The following ESR1 variants were observed in gnomAD, a reference collection of about 807,000 sequenced individuals.
The protein encoded by ESR1 is estrogen receptor.
Under a neutral mutation model 52.7 loss-of-function variants are expected in ESR1, and 12 were observed. The ratio of observed to expected loss-of-function variants is 0.23; its 90% CI spans 0.15 to 0.37. ESR1 has a LOEUF of 0.37. Ranked by LOEUF, ESR1 falls within the 10% of genes least tolerant of loss-of-function variation. The probability of loss-of-function intolerance (pLI) is 1.00; values close to 1 mark genes in which losing one functional copy is unlikely to be tolerated. For synonymous variants in ESR1, 305 were observed against 316.8 expected (o/e 0.96, Z 0.39); for missense variants, 584 against 779.7 (o/e 0.75, Z 2.99).
At chr6:152,000,297 G>A (rs1230568905) in intron 4 of ESR1, among the ~76,000 whole-genome samples, 1 of 151,960 alleles carries the variant, frequency 6.6e-6, no homozygotes, top group African/African-American at 2.4e-5. Flanking sequence ...TTGAATAATT[G>A]ACCCCAAATC....
upstream of ESR1, chr6:151,807,551 G>C (rs1306873219): frequency 5.0e-6 from 2 of 399,420 alleles, no homozygotes; most frequent in Non-Finnish European, 9.5e-6. Flanking sequence ...GCTCCAAATC[G>C]AGTTGTGCCT....
chr6:151,864,575 A>G (rs1272002842), intron 2 of ESR1, among the ~76,000 whole-genome samples: 1 of 152,214 alleles, frequency 6.6e-6, no homozygotes, highest in Non-Finnish European at 1.5e-5. Context: ...TGACCCAGCC[A>G]TCCCATTACT....
chr6:151,687,306 C>T (rs1204991534), upstream of ESR1, among the ~76,000 whole-genome samples: 7 of 152,042 alleles, frequency 4.6e-5, no homozygotes, highest in South Asian at 4.1e-4. Context: ...TTCCTTAGAA[C>T]GATAGTGAGT....
rs189162988 is a variant in ESR1 at position 151,699,345 on chromosome 6, C to A, written c.-201-2530C>A. On this transcript the variant is annotated intron_variant, in intron 1 of 2. Transcript: ENST00000404742. ...CTAGAATCTACTATTACTGGGTATA[C>A]TAGACAAGTTTGTAGATTTACAAAA... Among the ~76,000 whole-genome samples the A allele has an allele frequency of 2.6e-5, 4 of 152,266 alleles. No individual in the cohort carries two copies. In the East Asian group the frequency reaches 7.7e-4, roughly 29 times the overall value.
chr6:152,042,049 G>A (rs1004780096), intron 5 of ESR1, among the ~76,000 whole-genome samples: 4 of 152,296 alleles, frequency 2.6e-5, no homozygotes, highest in Admixed American at 1.3e-4. Context: ...GGGATGTGGT[G>A]GGAATCGCCA....
intron 3 of ESR1, among the ~76,000 whole-genome samples, chr6:151,898,384 A>ATTTTTTTTTTTTT (rs371510396): frequency 1.7e-4 from 17 of 101,170 alleles, no homozygotes; most frequent in Non-Finnish European, 2.8e-4. Context: ...GGTTTTGTTC[A>ATTTTTTTTTTTTT]TTTTTTTTTT....
intron 4 of ESR1, among the ~76,000 whole-genome samples, chr6:151,985,277 G>A (rs1373802539): frequency 5.3e-5 from 8 of 151,634 alleles, no homozygotes; most frequent in Non-Finnish European, 1.0e-4. Flanking sequence ...AGGCTGAGAC[G>A]GGCGGATCAC....
chr6:151,788,930 T>A (rs1787268288), intron 2 of ESR1, among the ~76,000 whole-genome samples: 1 of 151,990 alleles, frequency 6.6e-6, no homozygotes, highest in South Asian at 2.1e-4. Flanking sequence ...TAGAGAGGAA[T>A]AACAGACACT....
rs144425916 is a variant in ESR1, at chr6:151,869,203, A to T, written c.644-11452A>T. Among the ~76,000 whole-genome samples the T allele has an allele frequency of 3.5e-4, 54 of 152,294 alleles. No individual in the cohort carries two copies. The East Asian group carries it at 9.7e-3, about 27-fold the overall frequency. ...TTGGAAATTGTTTCTACTACTTTGG[A>T]CACCATAGTTTAGATTTCAAATGAG... On this transcript the variant is annotated intron_variant, in intron 2 of 7. Coordinates refer to ENST00000206249, the MANE Select transcript of ESR1 (RefSeq NM_000125.4).
chr6:151,815,488 GCAGGAAGCATCAGGGA>G (rs1779472147), intron 1 of ESR1, among the ~76,000 whole-genome samples: 1 of 152,184 alleles, frequency 6.6e-6, no homozygotes, highest in Non-Finnish European at 1.5e-5. Flanking sequence ...ATGGTGGTGG[GCAGGAAGCATCAGGGA>G]CATGGTTTGC....
intron 6 of ESR1, among the ~76,000 whole-genome samples, chr6:152,118,746 G>A (rs1329513123): frequency 3.3e-5 from 5 of 152,020 alleles, no homozygotes; most frequent in South Asian, 2.1e-4. Context: ...AAACCTGCAC[G>A]TTCAGTACAT....
At chr6:151,802,397 A>G (rs2128143835), upstream of ESR1, among the ~76,000 whole-genome samples, 1 of 152,344 alleles carries the variant, frequency 6.6e-6, no homozygotes, top group East Asian at 1.9e-4. Flanking sequence ...TTCATGTCTC[A>G]GAGTGAAGGA....
intron 3 of ESR1, among the ~76,000 whole-genome samples, chr6:151,937,845 G>A (rs564809851): frequency 2.0e-4 from 30 of 152,270 alleles, no homozygotes; most frequent in East Asian, 1.9e-4. Context: ...TGTGCTGCCC[G>A]TGGTATGACC....
chr6:151,675,798 T>C (rs1341058653), intron 1 of ESR1, among the ~76,000 whole-genome samples: 1 of 152,222 alleles, frequency 6.6e-6, no homozygotes, highest in Non-Finnish European at 1.5e-5. Context: ...AGCCAGGCTA[T>C]GGTGAAACAA....
intron 2 of ESR1, among the ~76,000 whole-genome samples, chr6:151,785,279 GA>G (rs769041747): frequency 8.5e-5 from 13 of 152,172 alleles, no homozygotes; most frequent in Non-Finnish European, 1.6e-4. Flanking sequence ...TGCTTTGACA[GA>G]ATGGTCAAGA....
At chr6:151,888,317 T>C (rs1159676231) in intron 3 of ESR1, among the ~76,000 whole-genome samples, 1 of 152,250 alleles carries the variant, frequency 6.6e-6, no homozygotes, top group Non-Finnish European at 1.5e-5. Context: ...TCTTTCCATT[T>C]ATTTGTGTCT....
intron 2 of ESR1, among the ~76,000 whole-genome samples, chr6:151,775,288 A>C (rs764491932): frequency 3.3e-5 from 5 of 152,212 alleles, no homozygotes; most frequent in Non-Finnish European, 5.9e-5. Context: ...AGATTTTGGA[A>C]TATTTTCATA....
At chr6:151,953,085 T>C (rs2036496688) in intron 4 of ESR1, among the ~76,000 whole-genome samples, 1 of 152,210 alleles carries the variant, frequency 6.6e-6, no homozygotes, top group African/African-American at 2.4e-5. Flanking sequence ...AGCTGCGTTC[T>C]TAGAATGGCC....
At chr6:152,064,749 T>C (rs2047830001) in intron 6 of ESR1, among the ~76,000 whole-genome samples, 1 of 152,230 alleles carries the variant, frequency 6.6e-6, no homozygotes, top group African/African-American at 2.4e-5. Flanking sequence ...ATTTAGCCTG[T>C]GGACTGTCAA....
Sources: gnomAD v4.1 joint callset for allele counts (sites outside exome capture counted in the v4.1 genomes callset) on GRCh38, gnomAD v4.1.1 for gene constraint, MANE v1.5 for transcripts, NCBI Gene and HGNC (gene_info 2026-07-23, HGNC 2026-07-21) for gene names.